Variants in MARCHF1 observed in about 807,000 individuals in gnomAD.
MARCHF1 encodes the protein E3 ubiquitin-protein ligase MARCHF1.
A neutral mutation model predicts 54.2 loss-of-function variants in MARCHF1; 40 were observed. The ratio of observed to expected loss-of-function variants is 0.74; its 90% confidence interval spans 0.57 to 0.96. MARCHF1 has a LOEUF of 0.96. MARCHF1 is among the 40% of genes least tolerant of loss of function. The probability of loss-of-function intolerance (pLI) is 0.00; values close to 1 mark genes in which losing one functional copy is unlikely to be tolerated. For missense variants in MARCHF1, 586 were observed against 656.5 expected (o/e 0.89, Z 1.17); for synonymous variants, 236 against 236.3 (o/e 1.00, Z 0.01).
rs547014738 is a variant in MARCHF1 at position 163,792,982 on chromosome 4, G to A, written c.111+61039C>T. On this transcript the variant is annotated intron_variant, in intron 4 of 9. Transcript: ENST00000514618. ...AATTTCTCTGTCTCCTCTCTAAAGC[G>A]AATCTTCCTTTCCAGAGTCCTTGGA... Among the ~76,000 whole-genome samples, 9 of 152,296 alleles carry A rather than the reference G, an allele frequency of 5.9e-5. No homozygotes were observed. The East Asian group carries it at 1.2e-3, about 20-fold the overall frequency.
Position 163,529,389 on chromosome 4 carries a change from T to C in MARCHF1, c.1340-343A>G, listed in dbSNP as rs554518752. Among the ~76,000 whole-genome samples the C allele has an allele frequency of 3.9e-5, 6 of 152,160 alleles. No homozygotes were observed. The East Asian group carries it at 1.2e-3, about 29-fold the overall frequency. ...ACATTTATCCCTTATAGCTAGACTT[T>C]TAAGGAAGGATGGTGAACATAATGG... On this transcript the variant is annotated intron_variant, in intron 9 of 9. Coordinates refer to ENST00000514618, the MANE Select transcript of MARCHF1 (RefSeq NM_001394959.1).
intron 8 of MARCHF1, among the ~76,000 whole-genome samples, chr4:163,552,140 A>G (rs1739127374): frequency 6.6e-6 from 1 of 152,172 alleles, no homozygotes; most frequent in South Asian, 2.1e-4. Flanking sequence ...TCTTTTGTAC[A>G]TGGCCCAATG....
intron 3 of MARCHF1, among the ~76,000 whole-genome samples, chr4:163,958,420 C>T (rs900280347): frequency 3.9e-5 from 6 of 151,942 alleles, no homozygotes; most frequent in Admixed American, 1.3e-4. Context: ...AAGCTTAAAA[C>T]ATACAATGTA....
At chr4:164,328,290 G>A (rs886235687) in intron 1 of MARCHF1, among the ~76,000 whole-genome samples, 2 of 151,978 alleles carry the variant, frequency 1.3e-5, no homozygotes, top group African/African-American at 4.8e-5. Context: ...CACACAAACA[G>A]CAAAGAGTAA....
chr4:163,871,519 G>A (rs1443757636), intron 3 of MARCHF1, among the ~76,000 whole-genome samples: 1 of 152,154 alleles, frequency 6.6e-6, no homozygotes, highest in Non-Finnish European at 1.5e-5. Flanking sequence ...ACAAGTCTTT[G>A]CCTGCTAGAG....
intron 1 of MARCHF1, among the ~76,000 whole-genome samples, chr4:164,355,713 T>A (rs1716742465): frequency 9.9e-6 from 1 of 101,336 alleles, no homozygotes; most frequent in African/African-American, 3.2e-5. Context: ...GGGCAAGGAC[T>A]TCATGTCCAA....
chr4:163,945,268 C>A (rs766081737), intron 3 of MARCHF1, among the ~76,000 whole-genome samples: 23 of 151,982 alleles, frequency 1.5e-4, no homozygotes, highest in Non-Finnish European at 2.6e-4. Flanking sequence ...TTTCATAAAA[C>A]CTTACAAATT....
At position 164,041,013 on chromosome 4, in the gene MARCHF1, C is replaced by T. The variant is rs1162200677; in HGVS notation, c.-247-52304G>A. Among the ~76,000 whole-genome samples the T allele has an allele frequency of 3.3e-5, 5 of 151,924 alleles. No individual in the cohort carries two copies. In the East Asian group the frequency reaches 9.6e-4, roughly 29 times the overall value. On this transcript the variant is annotated intron_variant, in intron 2 of 9. Coordinates refer to ENST00000514618, the MANE Select transcript of MARCHF1 (RefSeq NM_001394959.1). The stretch of plus-strand genomic sequence containing the variant: ...CTAAATGTGTGTAATTTTATTAGCT[C>T]TTGGATAATACACTCAATTTAAACC...
chr4:163,583,658 T>A (rs1369231590), intron 8 of MARCHF1: 2 of 147,436 alleles, frequency 1.4e-5, no homozygotes, highest in Non-Finnish European at 3.0e-5. Flanking sequence ...GTGTGTTTTT[T>A]TTTTTTTTGG....
chr4:164,194,705 C>T (rs896447217), intron 1 of MARCHF1, among the ~76,000 whole-genome samples: 5 of 152,100 alleles, frequency 3.3e-5, no homozygotes, highest in African/African-American at 1.2e-4. Context: ...ATGGTTTTAA[C>T]TATTTGATAT....
chr4:164,216,395 G>C (rs1007513952), intron 1 of MARCHF1, among the ~76,000 whole-genome samples: 10 of 152,112 alleles, frequency 6.6e-5, no homozygotes, highest in Non-Finnish European at 1.5e-4. Context: ...TTTTAAATCT[G>C]CAAGTCTCAT....
At chr4:163,625,005 C>A (rs1741820949) in intron 5 of MARCHF1, among the ~76,000 whole-genome samples, 1 of 152,130 alleles carries the variant, frequency 6.6e-6, no homozygotes, top group African/African-American at 2.4e-5. Context: ...TACAAAAGAC[C>A]AGTTTGGGAT....
chr4:164,126,833 A>G (rs951565216), intron 1 of MARCHF1, among the ~76,000 whole-genome samples: 1 of 152,184 alleles, frequency 6.6e-6, no homozygotes, highest in Non-Finnish European at 1.5e-5. Context: ...AGGCAGGCGC[A>G]TCACTTGAGG....
chr4:164,173,574 G>A (rs1254288196), intron 1 of MARCHF1, among the ~76,000 whole-genome samples: 1 of 152,258 alleles, frequency 6.6e-6, no homozygotes, highest in East Asian at 1.9e-4. Flanking sequence ...GGGTCATGGG[G>A]GTAAATGACT....
chr4:164,061,038 T>C (rs1030322054), intron 2 of MARCHF1, among the ~76,000 whole-genome samples: 13 of 152,184 alleles, frequency 8.5e-5, no homozygotes, highest in African/African-American at 3.1e-4. Flanking sequence ...AGCTAACCTA[T>C]CATTTTGCTC....
At chr4:164,283,385 G>A (rs1241283982) in intron 1 of MARCHF1, among the ~76,000 whole-genome samples, 1 of 150,702 alleles carries the variant, frequency 6.6e-6, no homozygotes, top group African/African-American at 2.4e-5. Context: ...GCATATATAA[G>A]CTGCTGTAGA....
intron 1 of MARCHF1, among the ~76,000 whole-genome samples, chr4:164,199,535 C>T (rs1378675302): frequency 3.3e-5 from 5 of 151,674 alleles, no homozygotes; most frequent in African/African-American, 4.8e-5. Flanking sequence ...CCCAGCTACT[C>T]GGGAGGCTGA....
chr4:164,302,589 T>C (rs1257724770), intron 1 of MARCHF1, among the ~76,000 whole-genome samples: 2 of 152,104 alleles, frequency 1.3e-5, no homozygotes, highest in Non-Finnish European at 2.9e-5. Flanking sequence ...TTATAAAGAA[T>C]AATTTCAGTT....
Position 164,184,629 on chromosome 4 carries a change from A to G in MARCHF1, c.-322-72967T>C, listed in dbSNP as rs143327115. On this transcript the variant is annotated intron_variant, in intron 1 of 9. Transcript: ENST00000514618. ...ATTAGTTGATAAAGACTCATACAGA[A>G]TAATATGCTTAAACAATAACATAAT... is the stretch of plus-strand genomic sequence containing the variant. 1.4e-3 allele frequency among the ~76,000 whole-genome samples: 210 copies of G among 152,360 alleles called. 2 individuals are homozygous for G. The highest frequency in any genetic ancestry group is 4.9e-3 in the African/African-American group (202 of 41,580).
Sources: allele counts gnomAD v4.1 joint callset (sites outside exome capture counted in the v4.1 genomes callset), GRCh38; gene constraint gnomAD v4.1.1; transcripts MANE v1.5; gene names NCBI Gene and HGNC (gene_info 2026-07-23, HGNC 2026-07-21).